PARD3B: variants seen among roughly 807,000 people sequenced by gnomAD.
The protein encoded by PARD3B is par-3 family cell polarity regulator beta.
A neutral mutation model predicts 130.2 loss-of-function variants in PARD3B; 103 were observed. That is an observed-to-expected ratio of 0.79 (90% CI 0.67 to 0.93). The LOEUF (loss-of-function observed/expected upper bound fraction) is 0.93, where lower values mean the gene tolerates loss of function less well. Ranked by LOEUF, PARD3B falls within the 40% of genes least tolerant of loss-of-function variation. PARD3B has a pLI of 0.00. For synonymous variants in PARD3B, 583 were observed against 553.2 expected (o/e 1.05, Z -0.76); for missense variants, 1,609 against 1,499.2 (o/e 1.07, Z -1.21).
rs538476321 is a variant in PARD3B at position 205,401,001 on chromosome 2, A to G, written c.2631-12A>G. The G allele has an allele frequency of 4.5e-6, 7 of 1,568,594 alleles. No homozygotes were observed. The South Asian group carries it at 8.2e-5, about 18-fold the overall frequency. ...ATTATTGTTAACAGCCTTCTCCTTCACGTTTCACTAGATTTGGAAAGAAGA... is the reference window on the plus strand; with the variant it reads ...ATTATTGTTAACAGCCTTCTCCTTCGCGTTTCACTAGATTTGGAAAGAAGA... On this transcript the variant is annotated splice_polypyrimidine_tract_variant and intron_variant, in intron 18 of 22. Transcript: ENST00000406610.
chr2:205,484,858 G>C (rs2049377384), intron 20 of PARD3B, among the ~76,000 whole-genome samples: 1 of 152,188 alleles, frequency 6.6e-6, no homozygotes, highest in Non-Finnish European at 1.5e-5. Context: ...ACTAGCAACT[G>C]TCACACTGTC....
At chr2:204,605,465 C>T (rs538855940) in intron 1 of PARD3B, among the ~76,000 whole-genome samples, 29 of 152,154 alleles carry the variant, frequency 1.9e-4, no homozygotes, top group South Asian at 1.0e-3. Context: ...TACTTTGATC[C>T]GTTTTATATA....
At chr2:205,464,501 G>A (rs776796480) in intron 20 of PARD3B, among the ~76,000 whole-genome samples, 4 of 152,152 alleles carry the variant, frequency 2.6e-5, no homozygotes, top group Non-Finnish European at 2.9e-5. Context: ...AGCACAGCTA[G>A]AGCAGCCAGA....
Position 205,401,080 on chromosome 2 carries a change from C to T in PARD3B, c.2698C>T (p.Leu900=), listed in dbSNP as rs1377137850. The stretch of plus-strand genomic sequence containing the variant: ...GAAAGGTACTCTGAAACATGGTGGC[C>T]TGAGAGAAGAAGAGCTGGAGAAAAT... The part of the protein sequence containing the change: ...EQKGTLKHGG[L]REEELEKMKE... The change falls in exon 19 of 23, where the codon CTG becomes TTG. Residue 900 remains leucine, a synonymous_variant. Coordinates refer to ENST00000406610, the MANE Select transcript of PARD3B (RefSeq NM_001302769.2). 2 of 1,602,782 alleles carry T rather than the reference C, an allele frequency of 1.2e-6. No homozygotes were observed. The highest frequency in any genetic ancestry group is 2.3e-5 in the South Asian group (2 of 87,962).
intron 18 of PARD3B, among the ~76,000 whole-genome samples, chr2:205,320,245 A>C (rs2042706845): frequency 7.0e-6 from 1 of 142,340 alleles, no homozygotes; most frequent in Non-Finnish European, 1.5e-5. Context: ...GGAAGGAATG[A>C]AGGAAGGAAG....
In PARD3B at chr2:205,473,684, G is replaced by GTA. The variant is rs369766633; in HGVS notation, c.3045-26187_3045-26186dup. The stretch of plus-strand genomic sequence containing the variant: ...TGTGTGTGTGTGTGTGTGTGTGTAT[G>GTA]TATATATATATATATATATATATAT... On this transcript the variant is annotated intron_variant, in intron 20 of 22. Coordinates refer to ENST00000406610, the MANE Select transcript of PARD3B (RefSeq NM_001302769.2). The surrounding 1 kb of genome is among the most constrained non-coding windows in gnomAD (Gnocchi z 4.9). Among the ~76,000 whole-genome samples, 13,404 of 114,340 alleles carry GTA rather than the reference G, an allele frequency of 0.12. 830 individuals are homozygous for GTA. Among genetic ancestry groups the GTA allele is most frequent in the Admixed American group, 0.19 (2,211 of 11,458 alleles). The allele number at this position is 114,340 out of a possible 152,430, so 75.0% of individuals were successfully genotyped here.
chr2:205,363,012 G>A (rs1334003935), intron 18 of PARD3B, among the ~76,000 whole-genome samples: 2 of 152,094 alleles, frequency 1.3e-5, no homozygotes, highest in Non-Finnish European at 2.9e-5. Context: ...GACTGGGGGA[G>A]TCAGGGAGGC....
At chr2:205,026,989 G>A (rs1366158077) in intron 3 of PARD3B, among the ~76,000 whole-genome samples, 1 of 152,128 alleles carries the variant, frequency 6.6e-6, no homozygotes. Context: ...AAGTAACGCT[G>A]TAATGAACAT....
At chr2:204,930,314 C>T (rs889483196) in intron 2 of PARD3B, among the ~76,000 whole-genome samples, 3 of 151,836 alleles carry the variant, frequency 2.0e-5, no homozygotes, top group East Asian at 1.9e-4. Context: ...TCTGTGAATG[C>T]GCAAATCCCT....
chr2:204,949,134 A>T (rs1689563875), intron 2 of PARD3B, among the ~76,000 whole-genome samples: 1 of 152,228 alleles, frequency 6.6e-6, no homozygotes, highest in Non-Finnish European at 1.5e-5. Flanking sequence ...TTTCCATAGC[A>T]GACTATTCTG....
chr2:204,661,362 G>A (rs1029620247), intron 1 of PARD3B, among the ~76,000 whole-genome samples: 3 of 152,118 alleles, frequency 2.0e-5, no homozygotes, highest in Admixed American at 1.3e-4. Flanking sequence ...AATACCTGAA[G>A]AAGTGTCAAG....
At chr2:204,576,924 C>T (rs897457110) in intron 1 of PARD3B, among the ~76,000 whole-genome samples, 3 of 151,994 alleles carry the variant, frequency 2.0e-5, no homozygotes, top group Admixed American at 1.3e-4. Flanking sequence ...GAAACCGTGC[C>T]GTGTTTTTAA....
chr2:205,029,288 T>C (rs7602418), intron 3 of PARD3B, among the ~76,000 whole-genome samples: 151,668 of 152,312 alleles, frequency 1, 75,517 homozygotes, highest in Non-Finnish European at 1. Flanking sequence ...ACTCACATCA[T>C]TGTCTTTCTA....
intron 10 of PARD3B, among the ~76,000 whole-genome samples, chr2:205,147,340 G>T (rs962951752): frequency 6.6e-6 from 1 of 152,066 alleles, no homozygotes; most frequent in Non-Finnish European, 1.5e-5. Context: ...GGGGGAGAGG[G>T]TTACTGTAGG....
At chr2:204,620,189 A>G (rs897553111) in intron 1 of PARD3B, among the ~76,000 whole-genome samples, 1 of 151,962 alleles carries the variant, frequency 6.6e-6, no homozygotes, top group Non-Finnish European at 1.5e-5. Context: ...TTTAGTAGAG[A>G]TGGGGGTTTC....
intron 2 of PARD3B, among the ~76,000 whole-genome samples, chr2:204,771,496 C>T (rs1574942405): frequency 6.6e-6 from 1 of 151,984 alleles, no homozygotes; most frequent in East Asian, 1.9e-4. Context: ...ATAAAGATGG[C>T]AACAATAGAC....
At chr2:204,705,447 A>G (rs2038095815) in intron 2 of PARD3B, among the ~76,000 whole-genome samples, 1 of 152,192 alleles carries the variant, frequency 6.6e-6, no homozygotes, top group Non-Finnish European at 1.5e-5. Flanking sequence ...CTTCTAAGGA[A>G]GTGACATTTG....
rs2052613306 is a variant in PARD3B at position 205,550,968 on chromosome 2, TATATATATACACACACAC to T, written c.3181-2354_3181-2337del. ...ATATATATATGTGTATATATATATA[TATATATATACACACACAC>T]ACACACACACACACACATAATCTGT... On this transcript the variant is annotated intron_variant, in intron 21 of 22. Transcript: ENST00000406610. The surrounding 1 kb of genome is among the most constrained non-coding windows in gnomAD (Gnocchi z 4.5). 1.9e-5 allele frequency among the ~76,000 whole-genome samples: 2 copies of T among 106,464 alleles called. No homozygotes were observed. Among genetic ancestry groups the T allele is most frequent in the East Asian group, 2.8e-4 (1 of 3,540 alleles). The allele number at this position is 106,464 out of a possible 152,430, so 69.8% of individuals were successfully genotyped here. A position where few individuals can be genotyped will look rare whatever the true frequency, so the allele number is the denominator to read the frequency against.
intron 22 of PARD3B, among the ~76,000 whole-genome samples, chr2:205,566,059 G>A (rs1293576721): frequency 2.6e-5 from 4 of 152,262 alleles, no homozygotes; most frequent in African/African-American, 4.8e-5. Flanking sequence ...AACAGCACAC[G>A]CAGAGGCCTT....
Sources: gnomAD v4.1 joint callset for allele counts (sites outside exome capture counted in the v4.1 genomes callset) on GRCh38, gnomAD v4.1.1 for gene constraint, Gnocchi (gnomAD v3.1) non-coding constraint, MANE v1.5 for transcripts, NCBI Gene and HGNC (gene_info 2026-07-23, HGNC 2026-07-21) for gene names.